Variants in RAPGEF1 observed in about 807,000 individuals in gnomAD.
RAPGEF1 encodes the protein CRK SH3-binding GNRP.
RAPGEF1 carries 33 observed loss-of-function variants against 143.3 expected under a neutral mutation model. The ratio of observed to expected loss-of-function variants is 0.23; its 90% confidence interval spans 0.17 to 0.31. The LOEUF (loss-of-function observed/expected upper bound fraction) is 0.31. Among genes scored for constraint, RAPGEF1 ranks in the 10% least tolerant of loss-of-function variants. The pLI is 1.00. For missense variants in RAPGEF1, 1,199 were observed against 1,645.4 expected, an observed-to-expected ratio of 0.73 and a Z score of 4.69; for synonymous variants, 629 against 676.5, an observed-to-expected ratio of 0.93 and a Z score of 1.09.
chr9:131,695,914 G>A (rs1041281769), intron 1 of RAPGEF1, among the ~76,000 whole-genome samples: 9 of 152,288 alleles, frequency 5.9e-5, no homozygotes, highest in South Asian at 4.1e-4. Context: ...ACCGCACCCC[G>A]TTCCCTGCTG....
Position 131,647,853 on chromosome 9 carries a change from C to G in RAPGEF1, c.315+2276G>C, listed in dbSNP as rs866267824. Among the ~76,000 whole-genome samples the G allele has an allele frequency of 2.0e-5, 3 of 152,116 alleles. No individual in the cohort carries two copies. In the South Asian group the frequency reaches 6.2e-4, roughly 32 times the overall value. ...GGTTTCTCAGCCTTGGCACTACTGA[C>G]ATTTTGGGGCAGAGAATTCTTTGTT... On this transcript the variant is annotated intron_variant, in intron 3 of 26. Coordinates refer to ENST00000683357, the MANE Select transcript of RAPGEF1 (RefSeq NM_001377935.1).
Position 131,650,258 on chromosome 9 carries a change from C to T in RAPGEF1, c.202-16G>A. The T allele has an allele frequency of 1.3e-6, 2 of 1,583,930 alleles. No individual in the cohort carries two copies. Among genetic ancestry groups the T allele is most frequent in the Non-Finnish European group, 1.7e-6 (2 of 1,154,964 alleles). ...CTGTTGCCTCCTGGAAGAGAGGAAA[C>T]CTGGATTCCTACAGAGTTTGAAATG... On this transcript the variant is annotated splice_polypyrimidine_tract_variant and intron_variant, in intron 2 of 26. Transcript: ENST00000683357. This position sits in a 1 kb window ranked among gnomAD's most constrained non-coding sequence, Gnocchi z 4.7.
intron 22 of RAPGEF1, among the ~76,000 whole-genome samples, chr9:131,587,159 CCTGCAGAGCGAGACTCCGTCTCAA>C (rs1418359714): frequency 1.6e-4 from 21 of 127,810 alleles, no homozygotes; most frequent in African/African-American, 6.3e-4. Context: ...CACACACACA[CCTGCAGAGCGAGACTCCGTCTCAA>C]ACACACACAC....
intron 15 of RAPGEF1, among the ~76,000 whole-genome samples, chr9:131,598,934 C>T (rs1955781949): frequency 6.6e-6 from 1 of 150,770 alleles, no homozygotes; most frequent in South Asian, 2.1e-4. Flanking sequence ...AAGTGATTCT[C>T]CTGCCTCAGC....
chr9:131,635,329 T>G (rs1052188326), intron 5 of RAPGEF1, among the ~76,000 whole-genome samples: 19 of 151,954 alleles, frequency 1.3e-4, no homozygotes, highest in African/African-American at 4.6e-4. Flanking sequence ...GTGGCATTTA[T>G]GTGGAGGTTT....
chr9:131,735,783 T>G (rs867167730), intron 1 of RAPGEF1, among the ~76,000 whole-genome samples: 2 of 152,198 alleles, frequency 1.3e-5, no homozygotes, highest in African/African-American at 2.4e-5. Flanking sequence ...ATAGCTGCCT[T>G]GTAGGCAGGA....
chr9:131,706,881 A>G (rs1280927910), intron 1 of RAPGEF1, among the ~76,000 whole-genome samples: 3 of 152,170 alleles, frequency 2.0e-5, no homozygotes, highest in Non-Finnish European at 4.4e-5. Flanking sequence ...TTAATCTCCA[A>G]TTCACTGTGG....
At position 131,626,465 on chromosome 9, in the gene RAPGEF1, C is replaced by T. The variant is rs760950363; in HGVS notation, c.1202-43G>A. 5 of 1,515,366 alleles carry T rather than the reference C, an allele frequency of 3.3e-6. No homozygotes were observed. In the East Asian group the frequency reaches 6.8e-5, roughly 21 times the overall value. 93.9% of individuals were successfully genotyped at this position (1,515,366 alleles called of 1,614,324 possible). Reference sequence around the variant, plus strand: ...GAAAAAGAGACCCGTTAGCCACAGGCCCTGCAGGAGCAGCCAGCTCCCCCC... The same window carrying T: ...GAAAAAGAGACCCGTTAGCCACAGGTCCTGCAGGAGCAGCCAGCTCCCCCC... On this transcript the variant is annotated intron_variant, in intron 9 of 26. Transcript: ENST00000683357.
rs1830608831 is a variant in RAPGEF1 at position 131,667,390 on chromosome 9, T to A, written c.62-16441A>T. Among the ~76,000 whole-genome samples the A allele has an allele frequency of 1.3e-5, 2 of 152,170 alleles. No homozygotes were observed. The highest frequency in any genetic ancestry group is 4.8e-5 in the African/African-American group (2 of 41,432). ...TCAGGGCAGCACTGGAGTCCCAGACTATGGAGCCCTCCCACACCCTCTTCC... is the reference window on the plus strand; with the variant it reads ...TCAGGGCAGCACTGGAGTCCCAGACAATGGAGCCCTCCCACACCCTCTTCC... On this transcript the variant is annotated intron_variant, in intron 1 of 26. Coordinates refer to ENST00000683357, the MANE Select transcript of RAPGEF1 (RefSeq NM_001377935.1). This position sits in a 1 kb window ranked among gnomAD's most constrained non-coding sequence, Gnocchi z 4.6.
At position 131,626,104 on chromosome 9, in the gene RAPGEF1, C is replaced by G. The variant is rs757872808; in HGVS notation, c.1520G>C (p.Gly507Ala). 3 of 1,613,764 alleles carry G rather than the reference C, an allele frequency of 1.9e-6. No homozygotes were observed. The East Asian group carries it at 6.7e-5, about 36-fold the overall frequency. ...RHPSQYDNIS[G>A]EDLQSTAPIP... ...CGGGGCTGTGCTCTGCAGGTCCTCC[C>G]CAGAGATGTTGTCATACTGCGAGGG... The change falls in exon 10 of 27, where the codon GGG becomes GCG. Residue 507 changes from glycine to alanine, a missense_variant. By Grantham distance (60) the Gly-to-Ala change is moderately conservative. Around this residue, in one of 6 missense-constraint regions of RAPGEF1, gnomAD observed 613 missense variants for 710.9 expected, o/e 0.86. Coordinates refer to ENST00000683357, the MANE Select transcript of RAPGEF1 (RefSeq NM_001377935.1).
At chr9:131,678,596 A>G (rs1832638657) in intron 1 of RAPGEF1, among the ~76,000 whole-genome samples, 1 of 152,150 alleles carries the variant, frequency 6.6e-6, no homozygotes, top group African/African-American at 2.4e-5. Context: ...CTCCCCATCT[A>G]TTTTTGGCAG....
intron 1 of RAPGEF1, among the ~76,000 whole-genome samples, chr9:131,673,695 C>G (rs906999999): frequency 4.3e-4 from 66 of 152,174 alleles, no homozygotes; most frequent in African/African-American, 1.6e-3. Context: ...AAGCACCCCC[C>G]CGGCCGCCCC....
intron 1 of RAPGEF1, among the ~76,000 whole-genome samples, chr9:131,670,317 C>T (rs1170213107): frequency 3.3e-5 from 5 of 152,180 alleles, no homozygotes; most frequent in African/African-American, 1.2e-4. Context: ...TAAGTCAGCA[C>T]CCACTCAGCG....
At position 131,604,865 on chromosome 9, in the gene RAPGEF1, C is replaced by G. The variant is rs543567056; in HGVS notation, c.2319+66G>C. The G allele has an allele frequency of 3.3e-6, 4 of 1,216,914 alleles. No homozygotes were observed. The East Asian group carries it at 1.9e-4, about 57-fold the overall frequency. 75.4% of individuals were successfully genotyped at this position (1,216,914 alleles called of 1,614,324 possible). The stretch of plus-strand genomic sequence containing the variant: ...GAACGTGAAACCGCTTTTTAAAAAA[C>G]GTGCAGCCCCATGTGCAGGGGTGTG... On this transcript the variant is annotated intron_variant, in intron 13 of 26. Transcript: ENST00000683357.
chr9:131,709,810 A>C, intron 1 of RAPGEF1: 1 of 1,485,392 alleles, frequency 6.7e-7, no homozygotes, highest in Non-Finnish European at 8.9e-7. Context: ...GGCAGAACCC[A>C]GGCAGCCTCA....
At chr9:131,645,825 A>C (rs1216837044) in intron 3 of RAPGEF1, among the ~76,000 whole-genome samples, 2 of 152,174 alleles carry the variant, frequency 1.3e-5, no homozygotes, top group Non-Finnish European at 2.9e-5. Context: ...AAACTAAATG[A>C]GGCTGTCCGT....
intron 1 of RAPGEF1, among the ~76,000 whole-genome samples, chr9:131,716,379 T>C (rs185179947): frequency 6.6e-6 from 1 of 152,360 alleles, no homozygotes; most frequent in East Asian, 1.9e-4. Context: ...AGTCAGGACT[T>C]GGCCAGGAAC....
At chr9:131,629,049 C>T in intron 7 of RAPGEF1, 53 bp downstream of exon 7, 1 of 1,577,892 alleles carries the variant, frequency 6.3e-7, no homozygotes, top group Non-Finnish European at 8.6e-7. Context: ...GTCTTCCTCC[C>T]TTTCTTTCTC....
At chr9:131,624,686 C>T (rs1962394288) in intron 10 of RAPGEF1, among the ~76,000 whole-genome samples, 1 of 152,224 alleles carries the variant, frequency 6.6e-6, no homozygotes. Context: ...AGGCCAACAG[C>T]TCTTTAAACA....
Sources: allele counts gnomAD v4.1 joint callset (sites outside exome capture counted in the v4.1 genomes callset), GRCh38; gene constraint gnomAD v4.1.1; regional missense constraint gnomAD v4.1.1; non-coding constraint Gnocchi (gnomAD v3.1); transcripts MANE v1.5; gene names NCBI Gene and HGNC (gene_info 2026-07-23, HGNC 2026-07-21).